LRRC37A2: variants seen among roughly 807,000 people sequenced by gnomAD.
LRRC37A2 encodes the protein leucine-rich repeat-containing protein 37A2.
Under a neutral mutation model 68.8 loss-of-function variants are expected in LRRC37A2, and 9 were observed. The observed-to-expected ratio is 0.13, with a 90% CI of 0.08 to 0.23. LRRC37A2 has a LOEUF of 0.23. Among genes scored for constraint, LRRC37A2 ranks in the 10% least tolerant of loss-of-function variants. LRRC37A2 has a pLI of 1.00. For missense variants in LRRC37A2, 168 were observed against 950.4 expected (o/e 0.18, Z 10.82); for synonymous variants, 63 against 367.6 (o/e 0.17, Z 9.48).
the LRRC37A2 span, among the ~76,000 whole-genome samples, chr17:46,999,826 C>T: frequency 1.1e-4 from 17 of 150,946 alleles, no homozygotes; most frequent in Admixed American, 5.3e-4. Context: ...TAGTGGAACC[C>T]CTTCTCTACT....
chr17:46,803,384 C>T, the LRRC37A2 span, among the ~76,000 whole-genome samples: 5 of 152,166 alleles, frequency 3.3e-5, no homozygotes, highest in African/African-American at 7.2e-5. Flanking sequence ...AAATACAAAA[C>T]TTAGCCAGGT....
chr17:46,709,487 C>A, the LRRC37A2 span, among the ~76,000 whole-genome samples: 5 of 151,600 alleles, frequency 3.3e-5, no homozygotes, highest in Non-Finnish European at 7.4e-5. Flanking sequence ...CAAAAGCCAG[C>A]CTATAATTTT....
chr17:46,803,149 G>A, the LRRC37A2 span, among the ~76,000 whole-genome samples: 4 of 152,228 alleles, frequency 2.6e-5, 1 homozygote, highest in Admixed American at 1.3e-4. Context: ...GTGTATGCAC[G>A]CATTTGGTCG....
the LRRC37A2 span, among the ~76,000 whole-genome samples, chr17:46,729,941 G>A: frequency 6.6e-6 from 1 of 152,034 alleles, no homozygotes; most frequent in Non-Finnish European, 1.5e-5. Flanking sequence ...ACTGTGGAAG[G>A]ATTTTTAAAT....
chr17:46,952,380 C>T, the LRRC37A2 span, among the ~76,000 whole-genome samples: 1 of 152,200 alleles, frequency 6.6e-6, no homozygotes, highest in Non-Finnish European at 1.5e-5. Context: ...CTGGAATTCC[C>T]ATAGACACTG....
the LRRC37A2 span, among the ~76,000 whole-genome samples, chr17:46,741,161 C>G: frequency 1.3e-5 from 2 of 152,100 alleles, no homozygotes; most frequent in Non-Finnish European, 2.9e-5. Context: ...GACATGAGAG[C>G]CTCAGACAGA....
chr17:46,898,132 C>A, the LRRC37A2 span, among the ~76,000 whole-genome samples: 1 of 152,176 alleles, frequency 6.6e-6, no homozygotes, highest in Non-Finnish European at 1.5e-5. Context: ...TCCCCTCCAT[C>A]CCATTCACCC....
the LRRC37A2 span, among the ~76,000 whole-genome samples, chr17:46,854,722 A>G: frequency 6.6e-6 from 1 of 151,930 alleles, no homozygotes; most frequent in African/African-American, 2.4e-5. Flanking sequence ...GTGCAGTGTC[A>G]TGATCTCGGC....
At chr17:46,502,764 T>A in the LRRC37A2 span, among the ~76,000 whole-genome samples, 1 of 151,318 alleles carries the variant, frequency 6.6e-6, no homozygotes. Flanking sequence ...AGGGAAATGG[T>A]CACCAGCAAG....
At chr17:46,512,535 CACTA>C in exon 2 of LRRC37A2, 1 of 161,220 alleles carries the variant, frequency 6.2e-6, no homozygotes, top group Admixed American at 8.7e-5. Context: ...AATCCTTCCT[CACTA>C]AGGGGAGGAG....
chr17:46,813,057 G>A, the LRRC37A2 span, among the ~76,000 whole-genome samples: 9 of 152,244 alleles, frequency 5.9e-5, no homozygotes, highest in African/African-American at 2.2e-4. Context: ...TGTTTGGGGC[G>A]AGGTTTGGAA....
the LRRC37A2 span, among the ~76,000 whole-genome samples, chr17:46,927,444 T>G: frequency 2.0e-5 from 3 of 152,198 alleles, no homozygotes; most frequent in African/African-American, 7.2e-5. Context: ...TTGGATTTTG[T>G]CTTATTTAAG....
chr17:46,933,539 C>T, the LRRC37A2 span: 2 of 151,898 alleles, frequency 1.3e-5, no homozygotes, highest in Admixed American at 6.6e-5. Context: ...TGACGCCTAT[C>T]TGTGAGGAGC....
At chr17:46,767,300 T>C in the LRRC37A2 span, among the ~76,000 whole-genome samples, 1 of 152,036 alleles carries the variant, frequency 6.6e-6, no homozygotes, top group Non-Finnish European at 1.5e-5. Flanking sequence ...TCCCTCCTGC[T>C]CCCCGTCATC....
At chr17:46,790,858 C>T in the LRRC37A2 span, among the ~76,000 whole-genome samples, 1 of 152,234 alleles carries the variant, frequency 6.6e-6, no homozygotes, top group African/African-American at 2.4e-5. Context: ...TTCCAAAACA[C>T]ACGCTCACGT....
chr17:46,873,364 G>A, the LRRC37A2 span, among the ~76,000 whole-genome samples: 2 of 152,072 alleles, frequency 1.3e-5, no homozygotes, highest in African/African-American at 2.4e-5. Context: ...CCAGATCCTG[G>A]AGGTTCAGAG....
At chr17:46,933,968 C>T in the LRRC37A2 span, among the ~76,000 whole-genome samples, 1 of 151,838 alleles carries the variant, frequency 6.6e-6, no homozygotes, top group Non-Finnish European at 1.5e-5. Flanking sequence ...CGAAACAAAC[C>T]CCAGCACTAC....
exon 2 of LRRC37A2, chr17:46,512,816 A>G: frequency 1.4e-6 from 1 of 708,574 alleles, no homozygotes; most frequent in Non-Finnish European, 2.2e-6. Context: ...CTACTAGTTA[A>G]GGAGGCTCAG....
At chr17:46,831,979 C>G in the LRRC37A2 span, among the ~76,000 whole-genome samples, 1 of 152,250 alleles carries the variant, frequency 6.6e-6, no homozygotes, top group African/African-American at 2.4e-5. Context: ...CTGGCTAGAG[C>G]TACCCCAGCC....
Sources: allele counts gnomAD v4.1 joint callset (sites outside exome capture counted in the v4.1 genomes callset), GRCh38; gene constraint gnomAD v4.1.1; transcripts MANE v1.5; gene names NCBI Gene and HGNC (gene_info 2026-07-23, HGNC 2026-07-21).